The following NID1 variants were observed in gnomAD, a reference collection of about 807,000 sequenced individuals.
NID1 encodes the protein nidogen 1, also known as nidogen-1.
A neutral mutation model predicts 130.6 loss-of-function variants in NID1; 76 were observed. The observed-to-expected ratio is 0.58, with a 90% CI of 0.48 to 0.70. NID1 has a LOEUF of 0.70. NID1 is among the 30% of genes least tolerant of loss of function. NID1 has a pLI of 0.00. For missense variants in NID1, 1,517 were observed against 1,664.8 expected (o/e 0.91, Z 1.54); for synonymous variants, 665 against 675.1 (o/e 0.98, Z 0.23).
chr1:235,979,227 C>T lies in NID1; in HGVS notation c.3510-120G>A, dbSNP rs569237970. The T allele has an allele frequency of 2.4e-5, 16 of 673,408 alleles. No homozygotes were observed. Among genetic ancestry groups the T allele is most frequent in the Non-Finnish European group, 4.0e-5 (15 of 377,204 alleles). The allele number at this position is 673,408 out of a possible 1,614,324, so 41.7% of individuals were successfully genotyped here. On this transcript the variant is annotated intron_variant, in intron 18 of 19. Transcript: ENST00000264187. The surrounding 1 kb of genome is among the most constrained non-coding windows in gnomAD (Gnocchi z 4.6). ...TGGAGGCCATAAACAGACATGATGG[C>T]CTTCTTCCTAGACATCCCTTCCTTC...
intron 12 of NID1, among the ~76,000 whole-genome samples, chr1:236,006,545 T>G (rs1658254008): frequency 6.6e-6 from 1 of 152,170 alleles, no homozygotes; most frequent in Admixed American, 6.5e-5. Flanking sequence ...GCATGGGTTC[T>G]TCAACAGACC....
At chr1:236,015,700 C>CCTG (rs1358226755) in intron 10 of NID1, among the ~76,000 whole-genome samples, 1 of 149,114 alleles carries the variant, frequency 6.7e-6, no homozygotes, top group African/African-American at 2.5e-5. Context: ...AGGACAAGAG[C>CCTG]CTGCCCACAG....
Position 235,993,518 on chromosome 1 carries a change from T to C in NID1, c.2755+127A>G, listed in dbSNP as rs560854077. On this transcript the variant is annotated intron_variant, in intron 13 of 19. Coordinates refer to ENST00000264187, the MANE Select transcript of NID1 (RefSeq NM_002508.3). ...GGAAGAAGGGTGCAGCAGGAGCGGG[T>C]GGGGCTGGAGCCAGTGGAACAGTTC... 1.7e-4 allele frequency: 145 copies of C among 851,312 alleles called. No homozygotes were observed. In the African/African-American group the frequency reaches 2.4e-3, roughly 14 times the overall value. The allele number at this position is 851,312 out of a possible 1,614,324, so 52.7% of individuals were successfully genotyped here.
At position 236,042,277 on chromosome 1, in the gene NID1, C is replaced by A. The variant is rs746987144; in HGVS notation, c.768G>T (p.Gly256=). The change falls in exon 4 of 20, where the codon GGG becomes GGT. Residue 256 remains glycine, a synonymous_variant. Coordinates refer to ENST00000264187, the MANE Select transcript of NID1 (RefSeq NM_002508.3). Reference sequence around the variant, plus strand: ...TCTCAAACACCCAGACACCCTGCTGCCCAGAGTTACTACTCCTAGGAGGAA... The same window carrying A: ...TCTCAAACACCCAGACACCCTGCTGACCAGAGTTACTACTCCTAGGAGGAA... ...VENLAKSSNS[G]QQGVWVFEIG... 2.5e-6 allele frequency: 4 copies of A among 1,603,402 alleles called. No homozygotes were observed. The highest frequency in any genetic ancestry group is 2.5e-6 in the Non-Finnish European group (3 of 1,179,780).
In NID1 at chr1:236,058,419, A is replaced by C. The variant is rs539585372; in HGVS notation, c.225+6436T>G. Among the ~76,000 whole-genome samples, 3 of 152,296 alleles carry C rather than the reference A, an allele frequency of 2.0e-5. No individual in the cohort carries two copies. The South Asian group carries it at 6.2e-4, about 32-fold the overall frequency. On this transcript the variant is annotated intron_variant, in intron 1 of 19. Transcript: ENST00000264187. Reference sequence around the variant, plus strand: ...TAGGGCAGAGCATGTCAATTAGATCACAAAAAAACCCAGGGTGAAAATGCC... The same window carrying C: ...TAGGGCAGAGCATGTCAATTAGATCCCAAAAAAACCCAGGGTGAAAATGCC...
In NID1 at chr1:236,064,977, A is replaced by G; in HGVS notation, c.103T>C (p.Phe35Leu). The G allele has an allele frequency of 2.5e-6, 4 of 1,583,706 alleles. No individual in the cohort carries two copies. The highest frequency in any genetic ancestry group is 1.1e-5 in the South Asian group (1 of 87,274). The change falls in exon 1 of 20, where the codon TTT becomes CTT. Residue 35 changes from phenylalanine (F) to leucine (L), a missense_variant. By Grantham distance (22) the Phe-to-Leu change is conservative. Coordinates refer to ENST00000264187, the MANE Select transcript of NID1 (RefSeq NM_002508.3). ...TCCCCCTGTCCGGGGCCGAAGGGAA[A>G]GAGCTCCTGGCGGCTCAGGCAGCCC... ...PVGCLSRQEL[F>L]PFGPGQGDLE...
intron 15 of NID1, among the ~76,000 whole-genome samples, chr1:235,983,735 G>T (rs748345000): frequency 1.1e-4 from 16 of 152,276 alleles, no homozygotes; most frequent in African/African-American, 2.2e-4. Context: ...CAAGGGAAAG[G>T]TCTGGATAAT....
At chr1:235,992,010 G>A (rs185250046) in intron 13 of NID1, among the ~76,000 whole-genome samples, 1 of 152,242 alleles carries the variant, frequency 6.6e-6, no homozygotes, top group Admixed American at 6.5e-5. Flanking sequence ...ACCCCTCGCC[G>A]GGCTCCTTGA....
chr1:236,049,051 A>G, intron 1 of NID1, 62 bp from the exon 2 acceptor site: 1 of 1,518,774 alleles, frequency 6.6e-7, no homozygotes, highest in Non-Finnish European at 9.0e-7. Flanking sequence ...AGTAAGACTG[A>G]GCACCCACTC....
At chr1:235,996,395 A>T (rs1412677693) in intron 12 of NID1, among the ~76,000 whole-genome samples, 1 of 152,122 alleles carries the variant, frequency 6.6e-6, no homozygotes, top group Admixed American at 6.5e-5. Context: ...GTGCTTTTTT[A>T]AAAAATATAT....
intron 5 of NID1, 39 bp downstream of exon 5, chr1:236,038,065 C>A (rs576380866): frequency 6.4e-7 from 1 of 1,574,454 alleles, no homozygotes; most frequent in African/African-American, 1.3e-5. Context: ...CTCCGCTCCT[C>A]CTTCTCCCGC....
chr1:236,065,008 C>T lies in NID1; in HGVS notation c.72G>A (p.Gly24=), dbSNP rs551401604. 4.1e-4 allele frequency: 644 copies of T among 1,563,442 alleles called. 3 individuals are homozygous for T. Among genetic ancestry groups the T allele is most frequent in the South Asian group, 3.9e-3 (337 of 85,650 alleles). ...RALLLPLLLA[G]PVGCLSRQEL... is the part of the protein sequence containing the mutation. The stretch of plus-strand genomic sequence containing the variant: ...CCTGGCGGCTCAGGCAGCCCACAGG[C>T]CCCGCCAGCAGCAGCGGCAGCAGCA... Residue 24 remains glycine, a synonymous_variant, in exon 1 of 20, where the codon GGG becomes GGA. Coordinates refer to ENST00000264187, the MANE Select transcript of NID1 (RefSeq NM_002508.3). The surrounding 1 kb of genome is among the most constrained non-coding windows in gnomAD (Gnocchi z 4.1).
At chr1:236,042,368 C>A in intron 3 of NID1, 76 bp from the exon 4 acceptor site, 1 of 1,531,908 alleles carries the variant, frequency 6.5e-7, no homozygotes, top group South Asian at 1.2e-5. Flanking sequence ...CAGAGGGAGC[C>A]CTGAGGATCT....
intron 9 of NID1, among the ~76,000 whole-genome samples, chr1:236,022,869 C>A (rs1328898523): frequency 6.6e-6 from 1 of 151,290 alleles, no homozygotes; most frequent in Non-Finnish European, 1.5e-5. Context: ...TCCAGACCAG[C>A]CTGGCCAACA....
chr1:236,013,192 T>C (rs1432622527), intron 11 of NID1, among the ~76,000 whole-genome samples: 2 of 152,168 alleles, frequency 1.3e-5, no homozygotes, highest in Non-Finnish European at 2.9e-5. Flanking sequence ...AATGAACTAG[T>C]CACCTAGAAC....
chr1:236,050,824 T>C (rs1659745331), intron 1 of NID1, among the ~76,000 whole-genome samples: 1 of 152,130 alleles, frequency 6.6e-6, no homozygotes, highest in Non-Finnish European at 1.5e-5. Context: ...ACGCCTGTAA[T>C]CCCAACACTT....
chr1:236,013,455 C>T lies in NID1; in HGVS notation c.2360G>A (p.Cys787Tyr). 4 of 1,614,106 alleles carry T rather than the reference C, an allele frequency of 2.5e-6. No homozygotes were observed. Among genetic ancestry groups the T allele is most frequent in the Non-Finnish European group, 3.4e-6 (4 of 1,180,028 alleles). Reference sequence around the variant, plus strand: ...CCCAGAAAAGCCTGGCAAGCAGGAACAGGTGTAGGAGGAGCCTCCTGTGTA... The same window carrying T: ...CCCAGAAAAGCCTGGCAAGCAGGAATAGGTGTAGGAGGAGCCTCCTGTGTA... ...CIYTGGSSYTCSCLPGFSGDG... is the reference protein window; with the variant it reads ...CIYTGGSSYTYSCLPGFSGDG... The change falls in exon 11 of 20, where the codon TGT (cysteine) becomes TAT (tyrosine). Residue 787 changes from cysteine (C) to tyrosine (Y), a missense_variant. Coordinates refer to ENST00000264187, the MANE Select transcript of NID1 (RefSeq NM_002508.3).
intron 16 of NID1, among the ~76,000 whole-genome samples, chr1:235,981,145 G>A (rs1657424904): frequency 6.6e-6 from 1 of 152,162 alleles, no homozygotes; most frequent in African/African-American, 2.4e-5. Flanking sequence ...GAGGAACTAA[G>A]AGCCTGTTGT....
At position 236,048,809 on chromosome 1, in the gene NID1, C is replaced by T. The variant is rs753763176; in HGVS notation, c.406G>A (p.Glu136Lys). 1 of 1,614,138 alleles carries T rather than the reference C, an allele frequency of 6.2e-7. No homozygotes were observed. The highest frequency in any genetic ancestry group is 1.1e-5 in the South Asian group (1 of 91,076). ...LSPSITQRAA[E>K]CVHRGFPEIS... is the part of the protein sequence containing the mutation. Reference sequence around the variant, plus strand: ...TCCGGGAACCCTCTGTGGACACACTCTGCTGCTCGCTGAGTGATGGAGGGG... The same window carrying T: ...TCCGGGAACCCTCTGTGGACACACTTTGCTGCTCGCTGAGTGATGGAGGGG... Residue 136 changes from glutamate (E) to lysine (K), a missense_variant, in exon 2 of 20, where the codon GAG (glutamate) becomes AAG (lysine). By Grantham distance (56) the Glu-to-Lys change is moderately conservative. Around this residue, in one of 3 missense-constraint regions of NID1, gnomAD observed 1,329 missense variants for 1,429.2 expected, o/e 0.93. Transcript: ENST00000264187.
Sources: gnomAD v4.1 joint callset for allele counts (sites outside exome capture counted in the v4.1 genomes callset) on GRCh38, gnomAD v4.1.1 for gene constraint, gnomAD v4.1.1 regional missense constraint, Gnocchi (gnomAD v3.1) non-coding constraint, MANE v1.5 for transcripts, NCBI Gene and HGNC (gene_info 2026-07-23, HGNC 2026-07-21) for gene names.